DGKI: variants seen among roughly 807,000 people sequenced by gnomAD.
DGKI encodes the protein diacylglycerol kinase iota, also known as DAG kinase iota.
DGKI carries 55 observed loss-of-function variants against 147.5 expected under a neutral mutation model. That is an observed-to-expected ratio of 0.37 (90% CI 0.30 to 0.47). The LOEUF (loss-of-function observed/expected upper bound fraction) is 0.47, where lower values mean the gene tolerates loss of function less well. DGKI is among the 20% of genes least tolerant of loss of function. The pLI, the probability that DGKI is intolerant of heterozygous loss-of-function variation, is 1.00. For missense variants in DGKI, 1,007 were observed against 1,323.8 expected (o/e 0.76, Z 3.71); for synonymous variants, 469 against 477.1 (o/e 0.98, Z 0.22).
intron 5 of DGKI, among the ~76,000 whole-genome samples, chr7:137,645,938 C>T (rs1405434528): frequency 6.6e-6 from 1 of 152,224 alleles, no homozygotes; most frequent in Non-Finnish European, 1.5e-5. Context: ...TTCCACTTCT[C>T]ATGCCCTCCC....
intron 28 of DGKI, among the ~76,000 whole-genome samples, chr7:137,431,998 G>A (rs946647294): frequency 2.6e-5 from 4 of 152,148 alleles, no homozygotes; most frequent in Admixed American, 6.5e-5. Context: ...TTTCCCCTGC[G>A]GTGTTCTCAC....
intron 6 of DGKI, among the ~76,000 whole-genome samples, chr7:137,628,563 CTAATA>C (rs1821022167): frequency 6.6e-6 from 1 of 152,124 alleles, no homozygotes; most frequent in South Asian, 2.1e-4. Flanking sequence ...CCCAAATCTG[CTAATA>C]TGGTACTGAC....
chr7:137,454,967 A>G (rs1216464591), intron 27 of DGKI: 1 of 152,180 alleles, frequency 6.6e-6, no homozygotes, highest in East Asian at 1.9e-4. Context: ...GTTTAGTCTT[A>G]GCACGTGGGG....
intron 1 of DGKI, among the ~76,000 whole-genome samples, chr7:137,693,253 A>G (rs1823671727): frequency 6.6e-6 from 1 of 152,120 alleles, no homozygotes; most frequent in African/African-American, 2.4e-5. Flanking sequence ...TTAAAAAAAA[A>G]TCAATGGGGT....
In DGKI at chr7:137,656,468, T is replaced by C; in HGVS notation, c.679A>G (p.Lys227Glu). Residue 227 changes from lysine (K) to glutamate (E), a missense_variant and splice_region_variant, in exon 4 of 33, where the codon AAG becomes GAG. This residue lies in a region of DGKI where 259 missense variants were observed against 362.5 expected (regional missense o/e 0.71). Transcript: ENST00000614521. ...VHTACIEQLE[K>E]INFRCKPTFR... Reference sequence around the variant, plus strand: ...TGCAGCAGGGGGCGCGCTCTTACCTTTTCTAGCTGCTCAATGCAGGCGGTG... The same window carrying C: ...TGCAGCAGGGGGCGCGCTCTTACCTCTTCTAGCTGCTCAATGCAGGCGGTG... 6.2e-7 allele frequency: 1 copy of C among 1,614,118 alleles called. No individual in the cohort carries two copies. Among genetic ancestry groups the C allele is most frequent in the Non-Finnish European group, 8.5e-7 (1 of 1,179,986 alleles).
rs192242323 is a variant in DGKI, at chr7:137,459,615, C to T, written c.2735+3874G>A. 5.8e-3 allele frequency among the ~76,000 whole-genome samples: 872 copies of T among 151,618 alleles called. 12 individuals are homozygous for T. The highest frequency in any genetic ancestry group is 0.02 in the African/African-American group (828 of 41,382). The stretch of plus-strand genomic sequence containing the variant: ...TCAGCCTCCCGAGTAGCTGGGACTA[C>T]GGGCGCCCGCCACCACGCCCGGCTA... On this transcript the variant is annotated intron_variant, in intron 27 of 32. Transcript: ENST00000614521.
intron 1 of DGKI, among the ~76,000 whole-genome samples, chr7:137,838,972 C>G (rs1054718899): frequency 3.3e-5 from 5 of 152,354 alleles, no homozygotes; most frequent in African/African-American, 9.6e-5. Flanking sequence ...GAGAAATAAC[C>G]TCTGTCCTGG....
At chr7:137,446,067 G>T (rs1301942035) in intron 27 of DGKI, among the ~76,000 whole-genome samples, 1 of 152,170 alleles carries the variant, frequency 6.6e-6, no homozygotes, top group Non-Finnish European at 1.5e-5. Flanking sequence ...AACGTGTCTT[G>T]GATTGTTTGC....
intron 1 of DGKI, among the ~76,000 whole-genome samples, chr7:137,742,113 G>A (rs1263616353): frequency 6.6e-6 from 1 of 152,032 alleles, no homozygotes; most frequent in Non-Finnish European, 1.5e-5. Flanking sequence ...GGGTAGAGTC[G>A]GATTTATAGT....
intron 5 of DGKI, among the ~76,000 whole-genome samples, chr7:137,651,781 T>C (rs1221142119): frequency 6.6e-6 from 1 of 151,470 alleles, no homozygotes; most frequent in Non-Finnish European, 1.5e-5. Context: ...AAGAAGAAAA[T>C]TAGGAAAGGG....
intron 6 of DGKI, among the ~76,000 whole-genome samples, chr7:137,626,363 ACG>A (rs1342564452): frequency 6.7e-6 from 1 of 148,564 alleles, no homozygotes; most frequent in African/African-American, 2.5e-5. Flanking sequence ...ACACACACAC[ACG>A]GACTTAAGTG....
At chr7:137,761,884 C>T (rs1351588795) in intron 1 of DGKI, among the ~76,000 whole-genome samples, 3 of 152,108 alleles carry the variant, frequency 2.0e-5, no homozygotes, top group African/African-American at 7.2e-5. Flanking sequence ...TTGACCGAAG[C>T]AAGATTCTAT....
At chr7:137,605,373 A>AATAAAATAAG (rs1413452999) in intron 10 of DGKI, among the ~76,000 whole-genome samples, 2 of 146,540 alleles carry the variant, frequency 1.4e-5, no homozygotes, top group East Asian at 1.9e-4. Flanking sequence ...AATAAAATAA[A>AATAAAATAAG]ATAAAAAAAG....
rs559929136 is a variant in DGKI at position 137,421,633 on chromosome 7, G to A, written c.2762-9426C>T. On this transcript the variant is annotated intron_variant, in intron 28 of 32. Transcript: ENST00000614521. ...GCTATAAACAGCACAGGGACCAGAT[G>A]TCTCTCCAAAGCATCCCATTTGCTT... Among the ~76,000 whole-genome samples the A allele has an allele frequency of 2.6e-5, 4 of 152,308 alleles. No homozygotes were observed. In the East Asian group the frequency reaches 5.8e-4, roughly 22 times the overall value.
chr7:137,568,005 A>G (rs1219053265), intron 19 of DGKI, among the ~76,000 whole-genome samples: 1 of 152,180 alleles, frequency 6.6e-6, no homozygotes, highest in Non-Finnish European at 1.5e-5. Context: ...CTGAGTGATG[A>G]TACTTGGGAG....
intron 20 of DGKI, among the ~76,000 whole-genome samples, chr7:137,534,726 A>C (rs1204888891): frequency 6.6e-6 from 1 of 152,128 alleles, no homozygotes; most frequent in Non-Finnish European, 1.5e-5. Flanking sequence ...AGAGGGTGAC[A>C]CAGAAATATA....
At chr7:137,768,327 G>A (rs1053300993) in intron 1 of DGKI, among the ~76,000 whole-genome samples, 4 of 152,204 alleles carry the variant, frequency 2.6e-5, no homozygotes, top group African/African-American at 9.7e-5. Context: ...ATAAGCTAGA[G>A]AAATGGAAAG....
intron 27 of DGKI, among the ~76,000 whole-genome samples, chr7:137,459,431 A>G (rs1345697232): frequency 6.7e-6 from 1 of 149,764 alleles, no homozygotes; most frequent in Non-Finnish European, 1.5e-5. Flanking sequence ...CAGACTTCTC[A>G]GAATTTTGTT....
chr7:137,481,974 T>C (rs573062092), intron 23 of DGKI, among the ~76,000 whole-genome samples: 16 of 152,142 alleles, frequency 1.1e-4, no homozygotes, highest in Admixed American at 1.0e-3. Context: ...AGGCATTTCG[T>C]CGTTCATGTT....
Sources: gnomAD v4.1 joint callset for allele counts (sites outside exome capture counted in the v4.1 genomes callset) on GRCh38, gnomAD v4.1.1 for gene constraint, gnomAD v4.1.1 regional missense constraint, MANE v1.5 for transcripts, NCBI Gene and HGNC (gene_info 2026-07-23, HGNC 2026-07-21) for gene names.